DNM1: variants seen among roughly 807,000 people sequenced by gnomAD.
DNM1 encodes dynamin-1.
DNM1 carries 29 observed loss-of-function variants against 104.6 expected under a neutral mutation model. That is an observed-to-expected ratio of 0.28 (90% confidence interval 0.21 to 0.38). The LOEUF is 0.38. DNM1 is among the 10% of genes least tolerant of loss of function. DNM1 has a pLI of 1.00. For synonymous variants in DNM1, 445 were observed against 475.8 expected, an observed-to-expected ratio of 0.94 and a Z score of 0.84; for missense variants, 640 against 1,189.4, an observed-to-expected ratio of 0.54 and a Z score of 6.79.
rs1326715243 is a variant in DNM1 at position 128,253,720 on chromosome 9, C to T, written c.2535-934C>T. The T allele has an allele frequency of 1.6e-5, 5 of 310,792 alleles. No individual in the cohort carries two copies. Among genetic ancestry groups the T allele is most frequent in the Admixed American group, 5.0e-5 (1 of 20,192 alleles). The allele number at this position is 310,792 out of a possible 1,614,324, so 19.3% of individuals were successfully genotyped here. A position where few individuals can be genotyped will look rare whatever the true frequency, so the allele number is the denominator to read the frequency against. ...TAAAAGCTTGAGAGTCCCATACACACGGTCATCCCACGACATACCTCACAG... is the reference window on the plus strand; with the variant it reads ...TAAAAGCTTGAGAGTCCCATACACATGGTCATCCCACGACATACCTCACAG... On this transcript the variant is annotated intron_variant, in intron 21 of 21. Coordinates refer to ENST00000372923, the MANE Select transcript of DNM1 (RefSeq NM_004408.4). This position sits in a 1 kb window ranked among gnomAD's most constrained non-coding sequence, Gnocchi z 5.9.
At position 128,234,015 on chromosome 9, in the gene DNM1, C is replaced by T. The variant is rs1400533057; in HGVS notation, c.1336-6C>T. The T allele has an allele frequency of 6.4e-7, 1 of 1,560,234 alleles. No individual in the cohort carries two copies. The highest frequency in any genetic ancestry group is 8.7e-7 in the Non-Finnish European group (1 of 1,152,528). ...CGTGGCTTTCTGCCCTCCTGCCCTT[C>T]CCCAGCTCCAGCAGTACCCGCGGCT... On this transcript the variant is annotated splice_polypyrimidine_tract_variant and splice_region_variant and intron_variant, in intron 10 of 21. Transcript: ENST00000372923.
rs1014503701 is a variant in DNM1, at chr9:128,243,760, C to T, written c.1671+1415C>T. Among the ~76,000 whole-genome samples, 1 of 152,076 alleles carries T rather than the reference C, an allele frequency of 6.6e-6. No individual in the cohort carries two copies. The highest frequency in any genetic ancestry group is 1.5e-5 in the Non-Finnish European group (1 of 67,992). ...GGGCTGAGGGCCGGAGACCGGGTGACACTGTGGGGGAGGGGCACGTGCCAC... is the reference window on the plus strand; with the variant it reads ...GGGCTGAGGGCCGGAGACCGGGTGATACTGTGGGGGAGGGGCACGTGCCAC... On this transcript the variant is annotated intron_variant, in intron 15 of 21. Coordinates refer to ENST00000372923, the MANE Select transcript of DNM1 (RefSeq NM_004408.4). This position sits in a 1 kb window ranked among gnomAD's most constrained non-coding sequence, Gnocchi z 4.0.
chr9:128,215,272 A>T (rs1355440239), intron 1 of DNM1, among the ~76,000 whole-genome samples: 1 of 152,240 alleles, frequency 6.6e-6, no homozygotes, highest in African/African-American at 2.4e-5. Context: ...GATGGTCCTT[A>T]AACTTAACAC....
intron 1 of DNM1, among the ~76,000 whole-genome samples, chr9:128,216,613 T>C (rs1285611908): frequency 6.6e-6 from 1 of 152,208 alleles, no homozygotes; most frequent in Non-Finnish European, 1.5e-5. Context: ...TCCAGTATAA[T>C]TCCTGACTCC....
rs773047891 is a variant in DNM1, at chr9:128,254,620, C to T, written c.2535-34C>T. 1 of 1,592,722 alleles carries T rather than the reference C, an allele frequency of 6.3e-7. No individual in the cohort carries two copies. On this transcript the variant is annotated intron_variant, in intron 21 of 21. Coordinates refer to ENST00000372923, the MANE Select transcript of DNM1 (RefSeq NM_004408.4). This position sits in a 1 kb window ranked among gnomAD's most constrained non-coding sequence, Gnocchi z 6.1. ...ACCAGCTCTCTCCTCGCTTTTCTCT[C>T]CCGTTTTCTCTCTGCTTTCTCTCCA...
chr9:128,247,997 G>T lies in DNM1; in HGVS notation c.1905+62G>T. 6.2e-7 allele frequency: 1 copy of T among 1,610,064 alleles called. No homozygotes were observed. The highest frequency in any genetic ancestry group is 8.5e-7 in the Non-Finnish European group (1 of 1,176,344). On this transcript the variant is annotated intron_variant, in intron 18 of 21. Coordinates refer to ENST00000372923, the MANE Select transcript of DNM1 (RefSeq NM_004408.4). The surrounding 1 kb of genome is among the most constrained non-coding windows in gnomAD (Gnocchi z 5.1). ...TGCAGCCTGGCACCAGCTCCAGCCAGGTTTTCAAGCAAGGGACCTGGAGAT... is the reference window on the plus strand; with the variant it reads ...TGCAGCCTGGCACCAGCTCCAGCCATGTTTTCAAGCAAGGGACCTGGAGAT...
intron 10 of DNM1, among the ~76,000 whole-genome samples, chr9:128,231,294 C>T (rs1334915135): frequency 6.8e-6 from 1 of 146,374 alleles, no homozygotes; most frequent in African/African-American, 2.5e-5. Context: ...CCTCCACCTC[C>T]TGGGTCCAAG....
rs1023063078 is a variant in DNM1, at chr9:128,255,209, G to A, written c.*495G>A. The A allele has an allele frequency of 1.3e-5, 2 of 155,894 alleles. No homozygotes were observed. Among genetic ancestry groups the A allele is most frequent in the African/African-American group, 4.8e-5 (2 of 41,450 alleles). The allele number at this position is 155,894 out of a possible 1,614,324, so 9.7% of individuals were successfully genotyped here. On this transcript the variant is annotated 3_prime_UTR_variant, in exon 22 of 22. Coordinates refer to ENST00000372923, the MANE Select transcript of DNM1 (RefSeq NM_004408.4). ...GTTTCTACCAGTCCTGCTGTCCCTCGGCTGAGAATAAAACCCATTTCTGGA... is the reference window on the plus strand; with the variant it reads ...GTTTCTACCAGTCCTGCTGTCCCTCAGCTGAGAATAAAACCCATTTCTGGA...
In DNM1 at chr9:128,245,759, C is replaced by G. The variant is rs28465466; in HGVS notation, c.1672-635C>G. Among the ~76,000 whole-genome samples the G allele has an allele frequency of 0.052, 7,951 of 152,266 alleles. 670 individuals are homozygous for G. The highest frequency in any genetic ancestry group is 0.18 in the African/African-American group (7,515 of 41,504). On this transcript the variant is annotated intron_variant, in intron 15 of 21. Coordinates refer to ENST00000372923, the MANE Select transcript of DNM1 (RefSeq NM_004408.4). The surrounding 1 kb of genome is among the most constrained non-coding windows in gnomAD (Gnocchi z 5.2). ...ACACATCCACACTGAGATGCAGACA[C>G]GCTGACACCGACACATGGTTCATGC...
chr9:128,206,792 T>C (rs1207364679), intron 1 of DNM1, among the ~76,000 whole-genome samples: 1 of 152,082 alleles, frequency 6.6e-6, no homozygotes, highest in East Asian at 1.9e-4. Flanking sequence ...TACAAAGCCC[T>C]TAGGCCATGA....
chr9:128,244,219 G>A (rs542587225), intron 15 of DNM1, among the ~76,000 whole-genome samples: 1 of 151,630 alleles, frequency 6.6e-6, no homozygotes, highest in African/African-American at 2.4e-5. Flanking sequence ...AGGATGGGGG[G>A]AGTGTTCCAG....
At chr9:128,244,876 C>A in intron 15 of DNM1, 1 of 486,302 alleles carries the variant, frequency 2.1e-6, no homozygotes, top group Non-Finnish European at 4.4e-6. Flanking sequence ...CGCTTCAGCC[C>A]CATCCCCTGG....
chr9:128,250,129 C>T lies in DNM1; in HGVS notation c.2091C>T (p.Ile697=). The part of the protein sequence containing the change: ...HLMINNTKEF[I]FSELLANLYS... ...CCTACTCGCAGACCAAGGAGTTCAT[C>T]TTCTCGGAGCTGCTGGCCAACCTGT... The change falls in exon 20 of 22, where the codon ATC becomes ATT. Residue 697 remains isoleucine (I), a synonymous_variant. Transcript: ENST00000372923. 6.2e-7 allele frequency: 1 copy of T among 1,614,066 alleles called. No individual in the cohort carries two copies. The highest frequency in any genetic ancestry group is 2.2e-5 in the East Asian group (1 of 44,888).
chr9:128,203,392 G>T lies in DNM1; in HGVS notation c.-79G>T, dbSNP rs939072110. On this transcript the variant is annotated 5_prime_UTR_variant, in exon 1 of 22. Coordinates refer to ENST00000372923, the MANE Select transcript of DNM1 (RefSeq NM_004408.4). This position sits in a 1 kb window ranked among gnomAD's most constrained non-coding sequence, Gnocchi z 5.3. ...CGCGGCGCAGGCAGTCTGGGCGCGC[G>T]GCTGCAGCGGCGGAGCCGGAGTCGG... 6 of 1,299,188 alleles carry T rather than the reference G, an allele frequency of 4.6e-6. No homozygotes were observed. In the African/African-American group the frequency reaches 6.3e-5, roughly 14 times the overall value. The allele number at this position is 1,299,188 out of a possible 1,614,324, so 80.5% of individuals were successfully genotyped here.
At chr9:128,207,707 A>G (rs1166331151) in intron 1 of DNM1, among the ~76,000 whole-genome samples, 4 of 152,304 alleles carry the variant, frequency 2.6e-5, no homozygotes, top group African/African-American at 9.6e-5. Context: ...AAATGGGGAT[A>G]ATAATAGCAC....
At position 128,243,308 on chromosome 9, in the gene DNM1, AATGAACT is replaced by A; in HGVS notation, c.1671+964_1671+970del. ...GGAGGGCTGGGGGTGGGCTTGTGGT[AATGAACT>A]CCAGCTGGCCAAGGAGTGGGGGAAG... On this transcript the variant is annotated intron_variant, in intron 15 of 21. Transcript: ENST00000372923. This position sits in a 1 kb window ranked among gnomAD's most constrained non-coding sequence, Gnocchi z 4.0. Among the ~76,000 whole-genome samples, 1 of 152,084 alleles carries A rather than the reference AATGAACT, an allele frequency of 6.6e-6. No individual in the cohort carries two copies. The highest frequency in any genetic ancestry group is 2.1e-4 in the South Asian group (1 of 4,826).
intron 10 of DNM1, among the ~76,000 whole-genome samples, chr9:128,230,680 G>A (rs1454919732): frequency 6.6e-6 from 1 of 152,062 alleles, no homozygotes; most frequent in Middle Eastern, 3.2e-3. Context: ...TCGAACTCCT[G>A]ACCTCAGGTG....
At chr9:128,230,889 GC>G (rs1407480866) in intron 10 of DNM1, among the ~76,000 whole-genome samples, 1 of 151,406 alleles carries the variant, frequency 6.6e-6, no homozygotes, top group Non-Finnish European at 1.5e-5. Context: ...TGCAACCTCT[GC>G]CTCCTGGATT....
At chr9:128,211,691 G>A (rs149481866) in intron 1 of DNM1, among the ~76,000 whole-genome samples, 265 of 152,022 alleles carry the variant, frequency 1.7e-3, no homozygotes, top group African/African-American at 5.9e-3. Flanking sequence ...TCACCCTGCC[G>A]TTGTCTTCCT....
Sources: gnomAD v4.1 joint callset for allele counts (sites outside exome capture counted in the v4.1 genomes callset) on GRCh38, gnomAD v4.1.1 for gene constraint, Gnocchi (gnomAD v3.1) non-coding constraint, MANE v1.5 for transcripts, NCBI Gene and HGNC (gene_info 2026-07-23, HGNC 2026-07-21) for gene names.